The following SF3B3 variants were observed in gnomAD, a reference collection of about 807,000 sequenced individuals.
SF3B3 encodes the protein splicing factor 3b subunit 3.
SF3B3 carries 33 observed loss-of-function variants against 139.2 expected under a neutral mutation model. The observed-to-expected ratio is 0.24, with a 90% confidence interval of 0.18 to 0.32. SF3B3 has a LOEUF of 0.32. Among genes scored for constraint, SF3B3 ranks in the 10% least tolerant of loss-of-function variants. SF3B3 has a pLI of 1.00. For missense variants in SF3B3, 818 were observed against 1,509.4 expected (o/e 0.54, Z 7.59); for synonymous variants, 596 against 563.6 (o/e 1.06, Z -0.81).
At chr16:70,547,309 A>G (rs2050278306) in intron 10 of SF3B3, among the ~76,000 whole-genome samples, 1 of 152,224 alleles carries the variant, frequency 6.6e-6, no homozygotes, top group Non-Finnish European at 1.5e-5. Context: ...GTTATATATA[A>G]GTGGCTAGTT....
At chr16:70,566,157 C>T (rs565140714) in intron 20 of SF3B3, among the ~76,000 whole-genome samples, 1 of 151,714 alleles carries the variant, frequency 6.6e-6, no homozygotes, top group Non-Finnish European at 1.5e-5. Context: ...CCTGCATTCT[C>T]TGGGAAGTTA....
At position 70,574,964 on chromosome 16, in the gene SF3B3, G is replaced by A. The variant is rs1567429403; in HGVS notation, c.*3151G>A. ...ATCTCTGCTGCTGAAATCAAACCTG[G>A]TCCAAAAAACGTCACAACGGAGGAA... On this transcript the variant is annotated 3_prime_UTR_variant, in exon 26 of 26. Transcript: ENST00000302516. The A allele has an allele frequency of 6.6e-6, 1 of 152,074 alleles. No individual in the cohort carries two copies. Among genetic ancestry groups the A allele is most frequent in the Non-Finnish European group, 1.5e-5 (1 of 68,016 alleles). The allele number at this position is 152,074 out of a possible 1,614,324, so 9.4% of individuals were successfully genotyped here.
intron 1 of SF3B3, among the ~76,000 whole-genome samples, chr16:70,524,229 C>T (rs1418756806): frequency 6.6e-6 from 1 of 152,070 alleles, no homozygotes; most frequent in Non-Finnish European, 1.5e-5. Context: ...GGATGTCTCC[C>T]TCTGGGTAGA....
intron 10 of SF3B3, among the ~76,000 whole-genome samples, chr16:70,547,446 A>T (rs2050279404): frequency 6.6e-6 from 1 of 152,192 alleles, no homozygotes; most frequent in Admixed American, 6.5e-5. Flanking sequence ...TCCCCTCTAG[A>T]TCATTTTGAA....
rs754717195 is a variant in SF3B3, at chr16:70,565,507, C to G, written c.2809C>G (p.Leu937Val). Residue 937 changes from leucine to valine, a missense_variant, in exon 20 of 26, where the codon CTG (leucine) becomes GTG (valine). Transcript: ENST00000302516. ...TYKLVNNGEK[L>V]EFLHKTPVEE... ...CAAGCTTGTGAACAATGGGGAAAAACTGGAGTTTTTGCACAAGGTAGGAAT... is the reference window on the plus strand; with the variant it reads ...CAAGCTTGTGAACAATGGGGAAAAAGTGGAGTTTTTGCACAAGGTAGGAAT... 6.8e-6 allele frequency: 11 copies of G among 1,613,632 alleles called. No individual in the cohort carries two copies. Among genetic ancestry groups the G allele is most frequent in the Non-Finnish European group, 6.8e-6 (8 of 1,179,810 alleles).
At chr16:70,528,717 A>G (rs1290363770) in intron 2 of SF3B3, among the ~76,000 whole-genome samples, 156 bp from the exon 3 acceptor site, 2 of 151,710 alleles carry the variant, frequency 1.3e-5, no homozygotes, top group African/African-American at 4.8e-5. Context: ...TCCTGGGTTC[A>G]AGCGATTCTC....
intron 8 of SF3B3, 51 bp from the exon 9 acceptor site, chr16:70,541,618 G>A (rs375003007): frequency 2.2e-4 from 315 of 1,464,856 alleles, no homozygotes; most frequent in South Asian, 5.9e-4. Context: ...AGACATTATC[G>A]TCAGGCAGAG....
At position 70,538,359 on chromosome 16, in the gene SF3B3, G is replaced by T; in HGVS notation, c.862G>T (p.Val288Phe). ...TGACCCTGAAAGAGGAATGATTTTT[G>T]TCTGCTCTGCAACCCATAAAACCAA... ...LDDPERGMIF[V>F]CSATHKTKSM... is the part of the protein sequence containing the mutation. Residue 288 changes from valine (V) to phenylalanine (F), a missense_variant, in exon 7 of 26, where the codon GTC becomes TTC. This residue lies in a region of SF3B3 where 80 missense variants were observed against 206.5 expected (regional missense o/e 0.39). Coordinates refer to ENST00000302516, the MANE Select transcript of SF3B3 (RefSeq NM_012426.5). The T allele has an allele frequency of 6.2e-7, 1 of 1,613,870 alleles. No individual in the cohort carries two copies. The highest frequency in any genetic ancestry group is 1.1e-5 in the South Asian group (1 of 91,058).
chr16:70,560,351 C>T lies in SF3B3; in HGVS notation c.2011-118C>T, dbSNP rs2050417598. 8.6e-6 allele frequency: 9 copies of T among 1,048,568 alleles called. No individual in the cohort carries two copies. In the South Asian group the frequency reaches 1.6e-4, roughly 19 times the overall value. The allele number at this position is 1,048,568 out of a possible 1,614,324, so 65.0% of individuals were successfully genotyped here. A position where few individuals can be genotyped will look rare whatever the true frequency, so the allele number is the denominator to read the frequency against. ...GATTATTAGGATCTTTTTTAAACAC[C>T]CAAGTCATTTCTTTCTATCTGCTCT... On this transcript the variant is annotated intron_variant, in intron 15 of 25. Coordinates refer to ENST00000302516, the MANE Select transcript of SF3B3 (RefSeq NM_012426.5).
intron 24 of SF3B3, 31 bp downstream of exon 24, chr16:70,570,180 C>T (rs1272237403): frequency 5.0e-6 from 8 of 1,611,790 alleles, no homozygotes; most frequent in Non-Finnish European, 6.8e-6. Context: ...CTGGCCTTGA[C>T]TTTTAAGGTT....
At chr16:70,558,934 AG>A (rs2050403016) in intron 15 of SF3B3, among the ~76,000 whole-genome samples, 1 of 152,166 alleles carries the variant, frequency 6.6e-6, no homozygotes, top group Non-Finnish European at 1.5e-5. Context: ...GGCTTGGGGT[AG>A]CTATAGTATC....
chr16:70,549,084 G>A (rs1398878633), intron 11 of SF3B3, among the ~76,000 whole-genome samples: 1 of 152,196 alleles, frequency 6.6e-6, no homozygotes, highest in Non-Finnish European at 1.5e-5. Flanking sequence ...CAATTGAATT[G>A]CAGCCTCATA....
intron 1 of SF3B3, among the ~76,000 whole-genome samples, chr16:70,525,834 G>T (rs966008069): frequency 6.6e-6 from 1 of 151,496 alleles, no homozygotes; most frequent in Non-Finnish European, 1.5e-5. Context: ...GGTGGCGGGC[G>T]CCTGTTGTCC....
At chr16:70,558,146 T>TC (rs2050395227) in intron 15 of SF3B3, among the ~76,000 whole-genome samples, 1 of 152,220 alleles carries the variant, frequency 6.6e-6, no homozygotes, top group African/African-American at 2.4e-5. Flanking sequence ...GTGTTCAAGT[T>TC]CCTGTATCCT....
At chr16:70,561,606 G>A (rs1241960272) in intron 16 of SF3B3, 24 bp from the exon 17 acceptor site, 2 of 1,606,916 alleles carry the variant, frequency 1.2e-6, no homozygotes, top group Non-Finnish European at 1.7e-6. Context: ...CCTTATTGGA[G>A]CTGGGTTTTT....
At chr16:70,543,396 G>A (rs541062414) in intron 9 of SF3B3, among the ~76,000 whole-genome samples, 8 of 136,990 alleles carry the variant, frequency 5.8e-5, no homozygotes, top group Admixed American at 2.3e-4. Flanking sequence ...GGTAACGAGC[G>A]AAACCCCGTC....
chr16:70,556,368 G>A (rs1406551279), intron 14 of SF3B3, 34 bp downstream of exon 14: 7 of 1,612,922 alleles, frequency 4.3e-6, no homozygotes, highest in Non-Finnish European at 5.9e-6. Flanking sequence ...GGATCATCTG[G>A]TTGGAACCTG....
In SF3B3 at chr16:70,532,638, C is replaced by CTGCTT. The variant is rs1232570881; in HGVS notation, c.712+21_712+25dup. The CTGCTT allele has an allele frequency of 1.2e-6, 2 of 1,612,784 alleles. No individual in the cohort carries two copies. The highest frequency in any genetic ancestry group is 1.7e-6 in the Non-Finnish European group (2 of 1,179,058). ...TATTACAGGTACTTTTCTTTCAGAG[C>CTGCTT]TGCTTTGTACCCTTTTACTTGGTTC... On this transcript the variant is annotated intron_variant, in intron 5 of 25. Coordinates refer to ENST00000302516, the MANE Select transcript of SF3B3 (RefSeq NM_012426.5).
chr16:70,566,674 A>G (rs1392449285), intron 20 of SF3B3, among the ~76,000 whole-genome samples: 3 of 152,220 alleles, frequency 2.0e-5, no homozygotes, highest in African/African-American at 7.2e-5. Flanking sequence ...GGATTCCTTC[A>G]ACCCTACCAT....
Sources: gnomAD v4.1 joint callset for allele counts (sites outside exome capture counted in the v4.1 genomes callset) on GRCh38, gnomAD v4.1.1 for gene constraint, gnomAD v4.1.1 regional missense constraint, MANE v1.5 for transcripts, NCBI Gene and HGNC (gene_info 2026-07-23, HGNC 2026-07-21) for gene names.